The following GRIK1 variants were observed in gnomAD, a reference collection of about 807,000 sequenced individuals.
GRIK1 encodes glutamate ionotropic receptor kainate type subunit 1.
Under a neutral mutation model 105.7 loss-of-function variants are expected in GRIK1, and 69 were observed. That is an observed-to-expected ratio of 0.65 (90% confidence interval 0.54 to 0.80). GRIK1 has a LOEUF of 0.80. Ranked by LOEUF, GRIK1 falls within the 30% of genes least tolerant of loss-of-function variation. The pLI is 0.00. For missense variants in GRIK1, 1,109 were observed against 1,167.3 expected (o/e 0.95, Z 0.73); for synonymous variants, 438 against 431.3 (o/e 1.02, Z -0.19).
intron 1 of GRIK1, among the ~76,000 whole-genome samples, chr21:29,746,701 A>G (rs1332936619): frequency 6.6e-6 from 1 of 152,238 alleles, no homozygotes; most frequent in Non-Finnish European, 1.5e-5. Context: ...ATTTTAATGA[A>G]TCATTGAGCA....
intron 7 of GRIK1, among the ~76,000 whole-genome samples, chr21:29,605,719 C>A (rs1252799374): frequency 6.6e-6 from 1 of 152,220 alleles, no homozygotes; most frequent in South Asian, 2.1e-4. Flanking sequence ...GGCAACCTCG[C>A]CAGCATCTGT....
chr21:29,836,580 T>C (rs1259880277), intron 1 of GRIK1, among the ~76,000 whole-genome samples: 1 of 152,186 alleles, frequency 6.6e-6, no homozygotes, highest in Non-Finnish European at 1.5e-5. Flanking sequence ...TTGTTGCCTG[T>C]GAATTATAAG....
Position 29,816,565 on chromosome 21 carries a change from T to C in GRIK1, c.119-122502A>G, listed in dbSNP as rs1035860778. 3.3e-5 allele frequency among the ~76,000 whole-genome samples: 5 copies of C among 152,000 alleles called. No individual in the cohort carries two copies. In the South Asian group the frequency reaches 8.3e-4, roughly 25 times the overall value. On this transcript the variant is annotated intron_variant, in intron 1 of 17. Transcript: ENST00000327783. ...CAGTGTCCAACAACAGATTAATGGG[T>C]AAATAAAATGTGGTATATATACACA...
intron 1 of GRIK1, among the ~76,000 whole-genome samples, chr21:29,701,164 C>T (rs1258887051): frequency 6.6e-6 from 1 of 152,120 alleles, no homozygotes; most frequent in African/African-American, 2.4e-5. Context: ...TTGTAAGATG[C>T]CTAGACAGAT....
intron 7 of GRIK1, among the ~76,000 whole-genome samples, chr21:29,634,119 C>A (rs2062345277): frequency 6.6e-6 from 1 of 152,110 alleles, no homozygotes; most frequent in Non-Finnish European, 1.5e-5. Flanking sequence ...ACCAACCAAC[C>A]AAACAAACAA....
chr21:29,935,781 TCATCTTC>T (rs150539863), intron 1 of GRIK1, among the ~76,000 whole-genome samples: 4,410 of 152,290 alleles, frequency 0.029, 214 homozygotes, highest in African/African-American at 0.1. Flanking sequence ...TTAGTGTATT[TCATCTTC>T]CCTTGTGAAA....
chr21:29,909,440 TAATTA>T (rs1422494184), intron 1 of GRIK1, among the ~76,000 whole-genome samples: 1 of 151,672 alleles, frequency 6.6e-6, no homozygotes, highest in African/African-American at 2.4e-5. Flanking sequence ...TATGTTCTAC[TAATTA>T]AATAGAATAT....
intron 1 of GRIK1, among the ~76,000 whole-genome samples, chr21:29,711,363 CTATACCA>C (rs2146815574): frequency 6.6e-6 from 1 of 152,244 alleles, no homozygotes; most frequent in East Asian, 1.9e-4. Flanking sequence ...GAGCAGTAGG[CTATACCA>C]TATAGCCTAC....
At chr21:29,690,326 C>A (rs926558843) in intron 2 of GRIK1, among the ~76,000 whole-genome samples, 1 of 152,190 alleles carries the variant, frequency 6.6e-6, no homozygotes, top group East Asian at 1.9e-4. Flanking sequence ...TAGTTACCAA[C>A]AAGCCCTTTG....
chr21:29,758,878 G>A (rs866370396), intron 1 of GRIK1: 35 of 153,038 alleles, frequency 2.3e-4, no homozygotes, highest in African/African-American at 7.5e-4. Flanking sequence ...CAAAAGGGAT[G>A]CCTTTGATCT....
chr21:29,677,189 TAATAAATGATG>T (rs1422388506), intron 3 of GRIK1, among the ~76,000 whole-genome samples: 1 of 152,218 alleles, frequency 6.6e-6, no homozygotes, highest in East Asian at 1.9e-4. Context: ...GGCCAAATGA[TAATAAATGATG>T]AATCTAGGTG....
chr21:29,748,605 G>A (rs1197348740), intron 1 of GRIK1, among the ~76,000 whole-genome samples: 1 of 152,166 alleles, frequency 6.6e-6, no homozygotes, highest in Non-Finnish European at 1.5e-5. Flanking sequence ...AATAGTATAA[G>A]CATTTGTAAT....
chr21:29,913,770 T>G (rs191559070), intron 1 of GRIK1, among the ~76,000 whole-genome samples: 10 of 151,818 alleles, frequency 6.6e-5, no homozygotes, highest in African/African-American at 2.4e-4. Context: ...TATGGCAGTC[T>G]GAATATCAAT....
chr21:29,564,157 AT>A lies in GRIK1; in HGVS notation c.2131-2309del, dbSNP rs1202653208. On this transcript the variant is annotated intron_variant, in intron 14 of 17. Transcript: ENST00000327783. The stretch of plus-strand genomic sequence containing the variant: ...TTTCACCACATTTATTTATTTATTT[AT>A]TTTTTTTGAGACGGAGTCTCGCTCT... Among the ~76,000 whole-genome samples, 7 of 151,510 alleles carry A rather than the reference AT, an allele frequency of 4.6e-5. No individual in the cohort carries two copies. The East Asian group carries it at 5.8e-4, about 13-fold the overall frequency.
chr21:29,555,317 A>G lies in GRIK1; in HGVS notation c.2357-15T>C, dbSNP rs756440782. On this transcript the variant is annotated splice_polypyrimidine_tract_variant and intron_variant, in intron 15 of 17. Transcript: ENST00000327783. Reference sequence around the variant, plus strand: ...GTAAGGAGAACCTGGAAGTAAAACCATCTGGATATTGGTCACCAAAATGTT... The same window carrying G: ...GTAAGGAGAACCTGGAAGTAAAACCGTCTGGATATTGGTCACCAAAATGTT... 1.1e-5 allele frequency: 18 copies of G among 1,609,058 alleles called. No individual in the cohort carries two copies. Among genetic ancestry groups the G allele is most frequent in the South Asian group, 2.2e-5 (2 of 90,874 alleles).
intron 1 of GRIK1, among the ~76,000 whole-genome samples, chr21:29,819,745 G>T (rs1409998654): frequency 2.0e-5 from 3 of 152,012 alleles, no homozygotes; most frequent in Non-Finnish European, 2.9e-5. Flanking sequence ...AAGACTATTT[G>T]AAATAAAAGC....
intron 1 of GRIK1, among the ~76,000 whole-genome samples, chr21:29,886,443 G>A (rs1167569345): frequency 2.0e-5 from 3 of 152,090 alleles, no homozygotes; most frequent in African/African-American, 7.2e-5. Flanking sequence ...CCACTGGAAG[G>A]CCCACCAGCA....
chr21:29,716,387 G>A (rs999256135), intron 1 of GRIK1, among the ~76,000 whole-genome samples: 3 of 152,152 alleles, frequency 2.0e-5, no homozygotes, highest in Non-Finnish European at 4.4e-5. Context: ...AAAACAACAG[G>A]AAAATGTAGG....
At chr21:29,864,431 C>G (rs550130643) in intron 1 of GRIK1, among the ~76,000 whole-genome samples, 1 of 152,084 alleles carries the variant, frequency 6.6e-6, no homozygotes, top group African/African-American at 2.4e-5. Context: ...CTTTAAAGTT[C>G]CATTTTCTAT....
Sources: allele counts gnomAD v4.1 joint callset (sites outside exome capture counted in the v4.1 genomes callset), GRCh38; gene constraint gnomAD v4.1.1; transcripts MANE v1.5; gene names NCBI Gene and HGNC (gene_info 2026-07-23, HGNC 2026-07-21).